Variants in RUNX3 observed in about 807,000 individuals in gnomAD.
The protein encoded by RUNX3 is runt-related transcription factor 3.
A neutral mutation model predicts 27.7 loss-of-function variants in RUNX3; 10 were observed. That is an observed-to-expected ratio of 0.36 (90% CI 0.22 to 0.61). The LOEUF (loss-of-function observed/expected upper bound fraction) is 0.61. Ranked by LOEUF, RUNX3 falls within the 20% of genes least tolerant of loss-of-function variation. RUNX3 has a pLI of 0.72. For missense variants in RUNX3, 469 were observed against 629.5 expected (o/e 0.75, Z 2.73); for synonymous variants, 270 against 269.2 (o/e 1.00, Z -0.03).
At chr1:24,947,212 C>T (rs897317251) in intron 2 of RUNX3, among the ~76,000 whole-genome samples, 3 of 152,164 alleles carry the variant, frequency 2.0e-5, no homozygotes, top group African/African-American at 7.2e-5. Flanking sequence ...TGCAAAGGCG[C>T]TGCCCCAGTA....
At chr1:24,942,057 G>A (rs1641491123) in intron 2 of RUNX3, among the ~76,000 whole-genome samples, 1 of 152,204 alleles carries the variant, frequency 6.6e-6, no homozygotes, top group African/African-American at 2.4e-5. Context: ...ATCCAGGGTG[G>A]CTGGATGATC....
In RUNX3 at chr1:24,902,720, C is replaced by T; in HGVS notation, c.704-54G>A. The T allele has an allele frequency of 7.0e-7, 1 of 1,432,012 alleles. No individual in the cohort carries two copies. The highest frequency in any genetic ancestry group is 9.3e-7 in the Non-Finnish European group (1 of 1,072,658). 88.7% of individuals were successfully genotyped at this position (1,432,012 alleles called of 1,614,324 possible). A position where few individuals can be genotyped will look rare whatever the true frequency, so the allele number is the denominator to read the frequency against. On this transcript the variant is annotated intron_variant, in intron 4 of 4. Transcript: ENST00000308873. The surrounding 1 kb of genome is among the most constrained non-coding windows in gnomAD (Gnocchi z 9.2). Reference sequence around the variant, plus strand: ...CCAGCTCGAGACAACCCCAGGAGGGCTTCCTGAAGAATGACCTTGGGCTCT... The same window carrying T: ...CCAGCTCGAGACAACCCCAGGAGGGTTTCCTGAAGAATGACCTTGGGCTCT...
intron 2 of RUNX3, among the ~76,000 whole-genome samples, chr1:24,944,136 G>A (rs1392004763): frequency 6.6e-6 from 1 of 152,142 alleles, no homozygotes; most frequent in African/African-American, 2.4e-5. Flanking sequence ...TACTTCAGGG[G>A]CAGGGCTTGG....
At chr1:24,918,099 C>A (rs1265247389) in intron 3 of RUNX3, among the ~76,000 whole-genome samples, 1 of 152,204 alleles carries the variant, frequency 6.6e-6, no homozygotes, top group East Asian at 1.9e-4. Context: ...GAGGGAAACT[C>A]TTCCAGGGCT....
chr1:24,930,509 CG>C (rs1287932652), upstream of RUNX3, among the ~76,000 whole-genome samples: 2 of 152,018 alleles, frequency 1.3e-5, no homozygotes, highest in Non-Finnish European at 2.9e-5. This position sits in a 1 kb window ranked among gnomAD's most constrained non-coding sequence, Gnocchi z 4.1. Context: ...TCTGGGAGCC[CG>C]GGGCAAATGC....
chr1:24,915,458 T>C (rs943338365), intron 3 of RUNX3, among the ~76,000 whole-genome samples: 1 of 151,574 alleles, frequency 6.6e-6, no homozygotes, highest in African/African-American at 2.4e-5. Flanking sequence ...GAGAAATGAA[T>C]AACAAATGAA....
intron 2 of RUNX3, among the ~76,000 whole-genome samples, chr1:24,952,055 C>G (rs577136831): frequency 6.6e-6 from 1 of 152,284 alleles, no homozygotes; most frequent in East Asian, 1.9e-4. Flanking sequence ...TAAATGTTTA[C>G]TGCTAATGGA....
intron 3 of RUNX3, among the ~76,000 whole-genome samples, chr1:24,914,385 C>T (rs908249420): frequency 2.0e-5 from 3 of 152,238 alleles, no homozygotes; most frequent in African/African-American, 7.2e-5. Context: ...GGGCCCGAGG[C>T]CGGCTCTGCG....
Position 24,927,463 on chromosome 1 carries a change from G to A in RUNX3, c.439+111C>T, listed in dbSNP as rs1239879666. Reference sequence around the variant, plus strand: ...TTACAAATTGCTGTTTTTAGACAGAGCTGCATCTGGAGACCTGTTTTTCGG... The same window carrying A: ...TTACAAATTGCTGTTTTTAGACAGAACTGCATCTGGAGACCTGTTTTTCGG... On this transcript the variant is annotated intron_variant, in intron 2 of 4. Transcript: ENST00000308873. The surrounding 1 kb of genome is among the most constrained non-coding windows in gnomAD (Gnocchi z 5.0). 4 of 1,006,074 alleles carry A rather than the reference G, an allele frequency of 4.0e-6. No homozygotes were observed. Among genetic ancestry groups the A allele is most frequent in the Non-Finnish European group, 4.6e-6 (3 of 648,972 alleles). The allele number at this position is 1,006,074 out of a possible 1,614,324, so 62.3% of individuals were successfully genotyped here.
intron 4 of RUNX3, among the ~76,000 whole-genome samples, chr1:24,903,027 C>A (rs1230958477): frequency 6.6e-6 from 1 of 152,212 alleles, no homozygotes; most frequent in Non-Finnish European, 1.5e-5. Flanking sequence ...CTCAGGCCTC[C>A]CAGCAGCCCT....
At chr1:24,908,268 T>G (rs1640722932) in intron 3 of RUNX3, among the ~76,000 whole-genome samples, 1 of 150,184 alleles carries the variant, frequency 6.7e-6, no homozygotes, top group South Asian at 2.1e-4. Context: ...CGACACGCGG[T>G]GATCCAAACC....
intron 4 of RUNX3, among the ~76,000 whole-genome samples, chr1:24,903,635 A>C (rs950259619): frequency 6.6e-6 from 1 of 152,184 alleles, no homozygotes; most frequent in Admixed American, 6.5e-5. Flanking sequence ...GGGGAAACTG[A>C]GGCCCAGACA....
chr1:24,960,674 G>C (rs1328306312), intron 2 of RUNX3, among the ~76,000 whole-genome samples: 1 of 152,170 alleles, frequency 6.6e-6, no homozygotes, highest in Non-Finnish European at 1.5e-5. Context: ...GTGTGAGGGG[G>C]GGGTGCCCCA....
At chr1:24,930,849 C>T (rs1263739030), upstream of RUNX3, among the ~76,000 whole-genome samples, 1 of 152,210 alleles carries the variant, frequency 6.6e-6, no homozygotes, top group Admixed American at 6.5e-5. The surrounding 1 kb of genome is among the most constrained non-coding windows in gnomAD (Gnocchi z 4.1). Context: ...GCCTTTGCTG[C>T]TCCCAGCCCT....
chr1:24,940,450 A>G (rs1451721369), intron 2 of RUNX3, among the ~76,000 whole-genome samples: 1 of 152,126 alleles, frequency 6.6e-6, no homozygotes, highest in Admixed American at 6.5e-5. Context: ...TTCCTCATCT[A>G]TGAAATGGGG....
At chr1:24,918,501 C>T (rs1025444265) in intron 3 of RUNX3, among the ~76,000 whole-genome samples, 5 of 152,172 alleles carry the variant, frequency 3.3e-5, no homozygotes, top group Non-Finnish European at 4.4e-5. Flanking sequence ...GGCCAACCTT[C>T]AGTGCACCAA....
intron 2 of RUNX3, among the ~76,000 whole-genome samples, chr1:24,955,636 G>C (rs548145065): frequency 4.6e-5 from 7 of 152,304 alleles, no homozygotes; most frequent in Admixed American, 3.3e-4. Flanking sequence ...GCTGAATCTC[G>C]AGGCTCTGGA....
intron 3 of RUNX3, among the ~76,000 whole-genome samples, chr1:24,912,669 C>T (rs570514858): frequency 4.3e-4 from 66 of 151,968 alleles, no homozygotes; most frequent in Middle Eastern, 3.4e-3. Flanking sequence ...GGCAGCATCC[C>T]CTTGAGTAAT....
chr1:24,950,345 A>T (rs1475228442), intron 2 of RUNX3, among the ~76,000 whole-genome samples: 7 of 152,094 alleles, frequency 4.6e-5, no homozygotes, highest in Non-Finnish European at 8.8e-5. Flanking sequence ...TCTCCTCCCC[A>T]TGCCTGCCTC....
Sources: gnomAD v4.1 joint callset for allele counts (sites outside exome capture counted in the v4.1 genomes callset) on GRCh38, gnomAD v4.1.1 for gene constraint, Gnocchi (gnomAD v3.1) non-coding constraint, MANE v1.5 for transcripts, NCBI Gene and HGNC (gene_info 2026-07-23, HGNC 2026-07-21) for gene names.